Variants in BACH2 observed in about 807,000 individuals in gnomAD.
BACH2 encodes transcription regulator protein BACH2.
In BACH2, 5 loss-of-function variants were observed where a neutral mutation model predicts 61.8. The observed-to-expected ratio is 0.08, with a 90% CI of 0.04 to 0.17. The LOEUF (loss-of-function observed/expected upper bound fraction) is 0.17, where lower values mean the gene tolerates loss of function less well. Ranked by LOEUF, BACH2 falls within the 10% of genes least tolerant of loss-of-function variation. The probability of loss-of-function intolerance (pLI) is 1.00; values close to 1 mark genes in which losing one functional copy is unlikely to be tolerated. For synonymous variants in BACH2, 446 were observed against 440.1 expected, an observed-to-expected ratio of 1.01 and a Z score of -0.17; for missense variants, 824 against 1,091.1, an observed-to-expected ratio of 0.76 and a Z score of 3.45.
chr6:90,082,467 G>A (rs1337234016), intron 5 of BACH2, among the ~76,000 whole-genome samples: 1 of 152,086 alleles, frequency 6.6e-6, no homozygotes, highest in Admixed American at 6.5e-5. Context: ...AAGTAACAAG[G>A]AGATCACTGT....
chr6:90,171,739 C>T (rs532573206), intron 4 of BACH2, among the ~76,000 whole-genome samples: 14 of 152,058 alleles, frequency 9.2e-5, no homozygotes, highest in African/African-American at 2.9e-4. Flanking sequence ...ATGTATTGAA[C>T]ACAGATATAA....
Position 90,020,296 on chromosome 6 carries a change from A to C in BACH2, c.-12-11440T>G, listed in dbSNP as rs550933452. On this transcript the variant is annotated intron_variant, in intron 5 of 8. Transcript: ENST00000257749. The stretch of plus-strand genomic sequence containing the variant: ...TTGTCCCCTATGAAAATCATGTTGA[A>C]ACTTAATCCCCAATGTGGCAGCATT... Among the ~76,000 whole-genome samples, 4 of 152,274 alleles carry C rather than the reference A, an allele frequency of 2.6e-5. No individual in the cohort carries two copies. The East Asian group carries it at 7.7e-4, about 29-fold the overall frequency.
At chr6:90,054,964 C>A (rs962151045) in intron 5 of BACH2, among the ~76,000 whole-genome samples, 1 of 152,134 alleles carries the variant, frequency 6.6e-6, no homozygotes, top group African/African-American at 2.4e-5. Context: ...ACACCAAAAA[C>A]CCATCTGTAA....
intron 5 of BACH2, among the ~76,000 whole-genome samples, chr6:90,058,985 A>G (rs1780530855): frequency 6.6e-6 from 1 of 152,254 alleles, no homozygotes; most frequent in Non-Finnish European, 1.5e-5. Flanking sequence ...AAGATGGATT[A>G]AAGACTTAAA....
chr6:89,980,864 G>C (rs752530490), intron 6 of BACH2, among the ~76,000 whole-genome samples: 3 of 151,026 alleles, frequency 2.0e-5, no homozygotes, highest in Non-Finnish European at 4.4e-5. Flanking sequence ...ATCACAATCA[G>C]GTGTCATACT....
At chr6:90,263,485 AT>A (rs1485094820) in intron 2 of BACH2, among the ~76,000 whole-genome samples, 1 of 152,218 alleles carries the variant, frequency 6.6e-6, no homozygotes, top group Non-Finnish European at 1.5e-5. Context: ...AAACCTTTTA[AT>A]TTGTTTAATG....
At chr6:90,259,230 C>T (rs619192) in intron 2 of BACH2, among the ~76,000 whole-genome samples, 101,489 of 152,100 alleles carry the variant, frequency 0.67, 34,973 homozygotes, top group African/African-American at 0.85. Context: ...CTTTATTACA[C>T]AGAGAAGCTT....
intron 3 of BACH2, among the ~76,000 whole-genome samples, chr6:90,210,312 AACACAC>A (rs3072671): frequency 0.069 from 10,207 of 147,166 alleles, 425 homozygotes; most frequent in South Asian, 0.13. Context: ...ACCCCAAAAC[AACACAC>A]ACACACACAC....
At chr6:90,033,768 A>G (rs905234604) in intron 5 of BACH2, among the ~76,000 whole-genome samples, 2 of 152,218 alleles carry the variant, frequency 1.3e-5, no homozygotes, top group Admixed American at 1.3e-4. Flanking sequence ...TTCTTAAAAA[A>G]AAATCAAAAT....
intron 5 of BACH2, among the ~76,000 whole-genome samples, chr6:90,085,232 G>C (rs1781884279): frequency 6.6e-6 from 1 of 152,134 alleles, no homozygotes; most frequent in Non-Finnish European, 1.5e-5. Flanking sequence ...AATAATCATA[G>C]GCCCTACAGC....
intron 6 of BACH2, among the ~76,000 whole-genome samples, chr6:89,960,224 A>C (rs1774665661): frequency 6.6e-6 from 1 of 152,166 alleles, no homozygotes; most frequent in South Asian, 2.1e-4. Flanking sequence ...TAGCCCCTCT[A>C]TTTGAAACAC....
At chr6:89,938,029 C>T in intron 8 of BACH2, 115 bp downstream of exon 8, 2 of 962,496 alleles carry the variant, frequency 2.1e-6, no homozygotes, top group South Asian at 1.6e-5. Context: ...AAAAAATAAA[C>T]CCAAACTTCC....
chr6:90,061,927 C>T (rs1199452379), intron 5 of BACH2, among the ~76,000 whole-genome samples: 4 of 152,076 alleles, frequency 2.6e-5, no homozygotes, highest in Non-Finnish European at 5.9e-5. Flanking sequence ...TAGATAATAC[C>T]TATAGACAAG....
chr6:90,280,883 G>C (rs1010614073), intron 1 of BACH2, among the ~76,000 whole-genome samples: 3 of 152,040 alleles, frequency 2.0e-5, no homozygotes, highest in African/African-American at 7.2e-5. Context: ...AGGAAAGGCT[G>C]CTTCCACTTC....
chr6:90,256,304 A>G (rs1338857762), intron 2 of BACH2, among the ~76,000 whole-genome samples: 2 of 152,198 alleles, frequency 1.3e-5, no homozygotes, highest in Non-Finnish European at 2.9e-5. Context: ...ACCACGAAAT[A>G]TAAGTGAAAG....
At chr6:90,241,957 A>T (rs979700607) in intron 3 of BACH2, among the ~76,000 whole-genome samples, 1 of 149,310 alleles carries the variant, frequency 6.7e-6, no homozygotes, top group Non-Finnish European at 1.5e-5. Context: ...TTATTAGTAG[A>T]CTATTTTTTA....
intron 3 of BACH2, among the ~76,000 whole-genome samples, chr6:90,244,945 G>A (rs1169062907): frequency 6.6e-6 from 1 of 152,168 alleles, no homozygotes; most frequent in African/African-American, 2.4e-5. Context: ...TGTAATCCCA[G>A]CACTTTGGGA....
intron 1 of BACH2, among the ~76,000 whole-genome samples, chr6:90,287,866 G>A (rs1017773397): frequency 3.9e-5 from 6 of 152,194 alleles, no homozygotes; most frequent in Non-Finnish European, 8.8e-5. Context: ...GTAAAACTGT[G>A]TTCATAAAAT....
At chr6:89,978,913 A>G (rs1775802129) in intron 6 of BACH2, among the ~76,000 whole-genome samples, 1 of 152,170 alleles carries the variant, frequency 6.6e-6, no homozygotes, top group South Asian at 2.1e-4. Flanking sequence ...AGCTCGTGGG[A>G]GCAACTACCC....
Sources: allele counts gnomAD v4.1 joint callset (sites outside exome capture counted in the v4.1 genomes callset), GRCh38; gene constraint gnomAD v4.1.1; transcripts MANE v1.5; gene names NCBI Gene and HGNC (gene_info 2026-07-23, HGNC 2026-07-21).